The following KCNMB2 variants were observed in gnomAD, a reference collection of about 807,000 sequenced individuals.
KCNMB2 encodes potassium calcium-activated channel subfamily M regulatory beta subunit 2.
Under a neutral mutation model 24.5 loss-of-function variants are expected in KCNMB2, and 9 were observed. That is an observed-to-expected ratio of 0.37 (90% CI 0.22 to 0.64). The LOEUF (loss-of-function observed/expected upper bound fraction) is 0.64, where lower values mean the gene tolerates loss of function less well. KCNMB2 is among the 30% of genes least tolerant of loss of function. The pLI is 0.63. For synonymous variants in KCNMB2, 109 were observed against 104.4 expected, an observed-to-expected ratio of 1.04 and a Z score of -0.27; for missense variants, 226 against 284.3, an observed-to-expected ratio of 0.79 and a Z score of 1.47.
chr3:178,547,291 A>G (rs1003159954), intron 1 of KCNMB2, among the ~76,000 whole-genome samples: 4 of 152,190 alleles, frequency 2.6e-5, no homozygotes, highest in African/African-American at 9.6e-5. Flanking sequence ...TGTATAAATT[A>G]CTCAGTCTCA....
intron 1 of KCNMB2, among the ~76,000 whole-genome samples, chr3:178,562,194 G>C (rs899464885): frequency 6.6e-6 from 1 of 152,150 alleles, no homozygotes; most frequent in African/African-American, 2.4e-5. Context: ...ATGTTGCTTA[G>C]CTCTAACACA....
At chr3:178,602,206 C>T (rs1016815285) in intron 1 of KCNMB2, among the ~76,000 whole-genome samples, 3 of 130,900 alleles carry the variant, frequency 2.3e-5, no homozygotes, top group Non-Finnish European at 3.4e-5. Flanking sequence ...GTAACTATCT[C>T]GCCAATCTAG....
chr3:178,653,279 A>G (rs1251037837), intron 1 of KCNMB2, among the ~76,000 whole-genome samples: 1 of 152,160 alleles, frequency 6.6e-6, no homozygotes, highest in East Asian at 1.9e-4. Context: ...ATATAAAAAT[A>G]CTAAGTTAAT....
At chr3:178,816,760 T>G (rs947190502) in intron 2 of KCNMB2, among the ~76,000 whole-genome samples, 4 of 152,128 alleles carry the variant, frequency 2.6e-5, no homozygotes, top group Non-Finnish European at 5.9e-5. Context: ...TGGTTTTACT[T>G]TCTTCTGTAG....
At position 178,594,177 on chromosome 3, in the gene KCNMB2, T is replaced by C. The variant is rs770315076; in HGVS notation, c.-68+57466T>C. On this transcript the variant is annotated intron_variant, in intron 1 of 4. Transcript: ENST00000452583. The stretch of plus-strand genomic sequence containing the variant: ...GGTAGACAGAAAATGAGGCAGATCA[T>C]GTAGGACCTTATGCTTTGAGTAATA... Among the ~76,000 whole-genome samples, 115 of 152,034 alleles carry C rather than the reference T, an allele frequency of 7.6e-4. No homozygotes were observed. The Middle Eastern group carries it at 0.01, about 13-fold the overall frequency.
At chr3:178,711,076 T>G (rs1553769543) in intron 1 of KCNMB2, among the ~76,000 whole-genome samples, 1 of 152,164 alleles carries the variant, frequency 6.6e-6, no homozygotes, top group Non-Finnish European at 1.5e-5. Flanking sequence ...TTATTAAGTT[T>G]TCTTTGCATC....
At chr3:178,636,713 T>C (rs1036404628) in intron 1 of KCNMB2, among the ~76,000 whole-genome samples, 1 of 152,208 alleles carries the variant, frequency 6.6e-6, no homozygotes, top group African/African-American at 2.4e-5. Flanking sequence ...TTCTCTATCA[T>C]TGGAGTCTCT....
intron 1 of KCNMB2, among the ~76,000 whole-genome samples, chr3:178,782,819 G>T (rs1195599028): frequency 1.3e-5 from 2 of 151,144 alleles, no homozygotes; most frequent in African/African-American, 4.9e-5. Flanking sequence ...GTCAATTTTG[G>T]CTTTTGTTGC....
Position 178,705,673 on chromosome 3 carries a change from A to T in KCNMB2, c.-67-101670A>T, listed in dbSNP as rs548852425. Among the ~76,000 whole-genome samples the T allele has an allele frequency of 5.9e-5, 9 of 152,318 alleles. No individual in the cohort carries two copies. The South Asian group carries it at 1.9e-3, about 32-fold the overall frequency. On this transcript the variant is annotated intron_variant, in intron 1 of 4. Transcript: ENST00000452583. Reference sequence around the variant, plus strand: ...AACTTAAAAAAAGAATGCTTTTTATAGTTGTCTGTAAGAGCCTTTTCTTTG... The same window carrying T: ...AACTTAAAAAAAGAATGCTTTTTATTGTTGTCTGTAAGAGCCTTTTCTTTG...
chr3:178,608,782 G>C (rs566440708), intron 1 of KCNMB2, among the ~76,000 whole-genome samples: 3 of 152,130 alleles, frequency 2.0e-5, no homozygotes, highest in African/African-American at 7.2e-5. Flanking sequence ...TTGTCTTTCT[G>C]TGCCTCCAGT....
chr3:178,650,990 A>G (rs531378457), intron 1 of KCNMB2, among the ~76,000 whole-genome samples: 10 of 152,336 alleles, frequency 6.6e-5, no homozygotes, highest in Non-Finnish European at 1.0e-4. Flanking sequence ...TTCCCTTTGA[A>G]AAACAGATCA....
In KCNMB2 at chr3:178,842,733, G is replaced by A; in HGVS notation, c.504G>A (p.Lys168=). 1 of 1,613,494 alleles carries A rather than the reference G, an allele frequency of 6.2e-7. No homozygotes were observed. Among genetic ancestry groups the A allele is most frequent in the Non-Finnish European group, 8.5e-7 (1 of 1,179,394 alleles). Residue 168 remains lysine (K), a synonymous_variant, in exon 5 of 5, where the codon AAG becomes AAA. Coordinates refer to ENST00000452583, the MANE Select transcript of KCNMB2 (RefSeq NM_181361.3). ...LVNVVMENFR[K]YQHFSCYSDP... The stretch of plus-strand genomic sequence containing the variant: ...ATGTTGTCATGGAAAACTTCAGGAA[G>A]TATCAACACTTCTCCTGCTATTCTG...
intron 1 of KCNMB2, among the ~76,000 whole-genome samples, chr3:178,759,663 G>GAT (rs200960049): frequency 0.14 from 9,727 of 70,286 alleles, 1,231 homozygotes; most frequent in Middle Eastern, 0.22. Flanking sequence ...CTCCAAGAGG[G>GAT]ATATATATAT....
Position 178,691,107 on chromosome 3 carries a change from C to CTTTTTTTTTTTTTTTTTTTTTTTTTTT in KCNMB2, c.-67-116216_-67-116215insTTTTTTTTTTTTTTTTTTTTTTTTTTT, listed in dbSNP as rs71181241. ...TGTACAGCATAATTCCCCATTAAGT[C>CTTTTTTTTTTTTTTTTTTTTTTTTTTT]TTTTTTTTTTTTTTTTTTTTGATAG... On this transcript the variant is annotated intron_variant, in intron 1 of 4. Transcript: ENST00000452583. Among the ~76,000 whole-genome samples the CTTTTTTTTTTTTTTTTTTTTTTTTTTT allele has an allele frequency of 9.3e-4, 74 of 79,718 alleles. 16 individuals carry two copies. The highest frequency in any genetic ancestry group is 1.1e-3 in the Non-Finnish European group (49 of 45,346). The allele number at this position is 79,718 out of a possible 152,430, so 52.3% of individuals were successfully genotyped here.
intron 1 of KCNMB2, among the ~76,000 whole-genome samples, chr3:178,617,283 G>T (rs1718739272): frequency 6.6e-6 from 1 of 152,096 alleles, no homozygotes; most frequent in Non-Finnish European, 1.5e-5. Flanking sequence ...CACAGTCCAG[G>T]CGTGGTGGCT....
chr3:178,743,007 C>G (rs113330274), intron 1 of KCNMB2, among the ~76,000 whole-genome samples: 6 of 152,202 alleles, frequency 3.9e-5, no homozygotes, highest in African/African-American at 1.4e-4. Context: ...ACAAGAAACA[C>G]TATTTTGAGG....
chr3:178,696,860 T>TACTTACCAAAC (rs1721898525), intron 1 of KCNMB2, among the ~76,000 whole-genome samples: 5 of 55,104 alleles, frequency 9.1e-5, no homozygotes, highest in African/African-American at 1.9e-4. Context: ...TTTTACCAAA[T>TACTTACCAAAC]AGTAAACAAT....
chr3:178,817,821 A>C (rs75394083), intron 2 of KCNMB2, among the ~76,000 whole-genome samples: 4 of 152,324 alleles, frequency 2.6e-5, no homozygotes, highest in African/African-American at 9.6e-5. Context: ...ATAACTGGCT[A>C]TCTCACAACC....
intron 1 of KCNMB2, among the ~76,000 whole-genome samples, chr3:178,774,609 T>G (rs943246215): frequency 1.3e-5 from 2 of 152,156 alleles, no homozygotes; most frequent in South Asian, 4.1e-4. Context: ...CCTGGCCAGA[T>G]CTGTGTAACA....
Sources: allele counts gnomAD v4.1 joint callset (sites outside exome capture counted in the v4.1 genomes callset), GRCh38; gene constraint gnomAD v4.1.1; transcripts MANE v1.5; gene names NCBI Gene and HGNC (gene_info 2026-07-23, HGNC 2026-07-21).